PRICKLE1: variants seen among roughly 807,000 people sequenced by gnomAD.
PRICKLE1 encodes prickle-like protein 1.
PRICKLE1 carries 14 observed loss-of-function variants against 70.2 expected under a neutral mutation model. The observed-to-expected ratio is 0.20, with a 90% CI of 0.13 to 0.31. PRICKLE1 has a LOEUF of 0.31. Ranked by LOEUF, PRICKLE1 falls within the 10% of genes least tolerant of loss-of-function variation. The probability of loss-of-function intolerance (pLI) is 1.00; values close to 1 mark genes in which losing one functional copy is unlikely to be tolerated. For missense variants in PRICKLE1, 821 were observed against 1,026.2 expected (o/e 0.80, Z 2.73); for synonymous variants, 357 against 379.9 (o/e 0.94, Z 0.70).
chr12:42,502,810 CCT>C (rs1939338872), intron 1 of PRICKLE1, among the ~76,000 whole-genome samples: 1 of 152,064 alleles, frequency 6.6e-6, no homozygotes, highest in Non-Finnish European at 1.5e-5. Flanking sequence ...TCCATAACCT[CCT>C]AATGCAAAAC....
At chr12:42,485,118 A>T (rs1388535503) in intron 1 of PRICKLE1, among the ~76,000 whole-genome samples, 2 of 152,174 alleles carry the variant, frequency 1.3e-5, no homozygotes, top group Non-Finnish European at 2.9e-5. Flanking sequence ...ACACGTGAAC[A>T]ATAGCTCATT....
chr12:42,498,183 T>G (rs1210267624), intron 1 of PRICKLE1, among the ~76,000 whole-genome samples: 4 of 150,568 alleles, frequency 2.7e-5, no homozygotes, highest in African/African-American at 9.8e-5. Flanking sequence ...TCTCTTTTTT[T>G]TTTTTTGGAG....
At chr12:42,578,707 A>T (rs1940843901) in intron 1 of PRICKLE1, among the ~76,000 whole-genome samples, 1 of 151,996 alleles carries the variant, frequency 6.6e-6, no homozygotes, top group Admixed American at 6.6e-5. Flanking sequence ...AGGTCAGATA[A>T]AAACAGAATA....
intron 1 of PRICKLE1, among the ~76,000 whole-genome samples, chr12:42,531,464 T>C (rs1939917041): frequency 1.3e-5 from 2 of 152,184 alleles, no homozygotes; most frequent in African/African-American, 4.8e-5. Context: ...ACAACTCCTT[T>C]GCCTACACCT....
At chr12:42,552,588 A>G (rs190881761) in intron 1 of PRICKLE1, among the ~76,000 whole-genome samples, 10 of 152,302 alleles carry the variant, frequency 6.6e-5, no homozygotes, top group African/African-American at 1.9e-4. Flanking sequence ...GGAATCACCA[A>G]TGGGGGTCCC....
At chr12:42,559,705 C>T (rs1940474212) in intron 1 of PRICKLE1, among the ~76,000 whole-genome samples, 1 of 149,460 alleles carries the variant, frequency 6.7e-6, no homozygotes, top group South Asian at 2.1e-4. Context: ...CTCAAGCAAA[C>T]CTCTTGCCTT....
chr12:42,472,547 G>T lies in PRICKLE1; in HGVS notation c.-31C>A. 2.5e-6 allele frequency: 4 copies of T among 1,613,886 alleles called. No homozygotes were observed. Among genetic ancestry groups the T allele is most frequent in the African/African-American group, 1.3e-5 (1 of 75,018 alleles). ...TTAAAGCCTGGTTTCTCAGTCACAG[G>T]ACATCAAACAATGGCTGCTGTGAAC... On this transcript the variant is annotated 5_prime_UTR_variant, in exon 2 of 8. Coordinates refer to ENST00000345127, the MANE Select transcript of PRICKLE1 (RefSeq NM_153026.3).
At chr12:42,503,402 G>A (rs1939351301) in intron 1 of PRICKLE1, among the ~76,000 whole-genome samples, 1 of 151,996 alleles carries the variant, frequency 6.6e-6, no homozygotes, top group Non-Finnish European at 1.5e-5. Context: ...GTACACAAGG[G>A]GATAGATTCT....
At chr12:42,544,927 C>G (rs1194093691) in intron 1 of PRICKLE1, among the ~76,000 whole-genome samples, 1 of 151,996 alleles carries the variant, frequency 6.6e-6, no homozygotes, top group Non-Finnish European at 1.5e-5. Context: ...GGATTAGCTG[C>G]TTTCCTTCTC....
intron 1 of PRICKLE1, among the ~76,000 whole-genome samples, chr12:42,584,925 A>C (rs1940962770): frequency 6.6e-6 from 1 of 152,178 alleles, no homozygotes; most frequent in Non-Finnish European, 1.5e-5. Flanking sequence ...AGAGAAGCAC[A>C]CGCAAAGCAG....
chr12:42,491,780 C>CTTT lies in PRICKLE1; in HGVS notation c.-48-19219_-48-19217dup, dbSNP rs57837176. ...TTTGAAATAATAGACACTGCTCCAT[C>CTTT]TTTTTTTTTTTTTTTTTTTGAGCCG... On this transcript the variant is annotated intron_variant, in intron 1 of 7. Transcript: ENST00000345127. Among the ~76,000 whole-genome samples, 178 of 124,480 alleles carry CTTT rather than the reference C, an allele frequency of 1.4e-3. 5 individuals are homozygous for CTTT. Among genetic ancestry groups the CTTT allele is most frequent in the South Asian group, 0.011 (40 of 3,566 alleles). 81.7% of individuals were successfully genotyped at this position (124,480 alleles called of 152,430 possible). A position where few individuals can be genotyped will look rare whatever the true frequency, so the allele number is the denominator to read the frequency against.
At chr12:42,559,360 T>C (rs1462624232) in intron 1 of PRICKLE1, among the ~76,000 whole-genome samples, 1 of 152,076 alleles carries the variant, frequency 6.6e-6, no homozygotes, top group Non-Finnish European at 1.5e-5. Flanking sequence ...AACAGAAATA[T>C]CCTAGTTTCT....
chr12:42,542,795 G>T (rs1167950143), intron 1 of PRICKLE1, among the ~76,000 whole-genome samples: 1 of 152,214 alleles, frequency 6.6e-6, no homozygotes, highest in Admixed American at 6.5e-5. Context: ...CCACATTCAA[G>T]ATTTGGTTGT....
At chr12:42,573,724 G>A (rs577990371) in intron 1 of PRICKLE1, among the ~76,000 whole-genome samples, 120 of 152,132 alleles carry the variant, frequency 7.9e-4, no homozygotes, top group Non-Finnish European at 1.0e-3. Context: ...TTGCAGAGGT[G>A]GGATTTTGCC....
intron 1 of PRICKLE1, among the ~76,000 whole-genome samples, chr12:42,569,025 A>T (rs890885349): frequency 1.3e-5 from 2 of 152,230 alleles, no homozygotes; most frequent in African/African-American, 4.8e-5. Context: ...CATACATACT[A>T]GTCTATAATC....
intron 1 of PRICKLE1, among the ~76,000 whole-genome samples, chr12:42,478,695 C>A (rs1593124468): frequency 6.7e-6 from 1 of 149,956 alleles, no homozygotes; most frequent in Admixed American, 6.7e-5. Flanking sequence ...GAGAAAGAAG[C>A]CCAAGGTCAT....
chr12:42,545,573 G>A (rs1479084647), intron 1 of PRICKLE1, among the ~76,000 whole-genome samples: 1 of 152,188 alleles, frequency 6.6e-6, no homozygotes, highest in Non-Finnish European at 1.5e-5. Context: ...TTGGGACTGG[G>A]TGCGGTGGCT....
chr12:42,573,277 C>G (rs1566132517), intron 1 of PRICKLE1, among the ~76,000 whole-genome samples: 2 of 152,194 alleles, frequency 1.3e-5, no homozygotes. Flanking sequence ...AGGACCACTA[C>G]AAGATGTGCT....
At chr12:42,538,845 T>A (rs1195224336) in intron 1 of PRICKLE1, among the ~76,000 whole-genome samples, 1 of 152,212 alleles carries the variant, frequency 6.6e-6, no homozygotes, top group Non-Finnish European at 1.5e-5. Context: ...ATTGCTGCAA[T>A]GTGACACATA....
Sources: allele counts gnomAD v4.1 joint callset (sites outside exome capture counted in the v4.1 genomes callset), GRCh38; gene constraint gnomAD v4.1.1; transcripts MANE v1.5; gene names NCBI Gene and HGNC (gene_info 2026-07-23, HGNC 2026-07-21).